SLC35F4: variants seen among roughly 807,000 people sequenced by gnomAD.
SLC35F4 encodes the protein chromosome 14 open reading frame 36.
In SLC35F4, 24 loss-of-function variants were observed where a neutral mutation model predicts 44.2. That is an observed-to-expected ratio of 0.54 (90% CI 0.39 to 0.76). The LOEUF (loss-of-function observed/expected upper bound fraction) is 0.76, where lower values mean the gene tolerates loss of function less well. SLC35F4 is among the 30% of genes least tolerant of loss of function. The pLI, the probability that SLC35F4 is intolerant of heterozygous loss-of-function variation, is 0.00. For synonymous variants in SLC35F4, 238 were observed against 223.6 expected (o/e 1.06, Z -0.57); for missense variants, 562 against 586.1 (o/e 0.96, Z 0.42).
At chr14:57,706,323 G>C (rs2075675277) in intron 1 of SLC35F4, among the ~76,000 whole-genome samples, 1 of 152,132 alleles carries the variant, frequency 6.6e-6, no homozygotes, top group South Asian at 2.1e-4. Context: ...AATTGCCAAT[G>C]GGACATCAAG....
chr14:57,575,826 C>T (rs1455885317), intron 4 of SLC35F4, among the ~76,000 whole-genome samples: 1 of 152,150 alleles, frequency 6.6e-6, no homozygotes, highest in African/African-American at 2.4e-5. Flanking sequence ...GTTCCTAAAG[C>T]CCAAAGAGGG....
chr14:57,910,579 T>C (rs1369849313), intron 1 of SLC35F4, among the ~76,000 whole-genome samples: 2 of 152,092 alleles, frequency 1.3e-5, no homozygotes, highest in Non-Finnish European at 2.9e-5. Flanking sequence ...TTGTCATAGA[T>C]TAGTTGACTA....
At chr14:57,619,852 C>T (rs915315339) in intron 1 of SLC35F4, among the ~76,000 whole-genome samples, 1 of 152,008 alleles carries the variant, frequency 6.6e-6, no homozygotes, top group Non-Finnish European at 1.5e-5. Context: ...ACACATATAA[C>T]CTGATGAAGC....
intron 1 of SLC35F4, among the ~76,000 whole-genome samples, chr14:57,692,653 A>C (rs2075269495): frequency 6.6e-6 from 1 of 152,262 alleles, no homozygotes; most frequent in South Asian, 2.1e-4. Flanking sequence ...AATTACAATT[A>C]CCTAATTGTA....
chr14:57,946,470 T>G (rs12890073), intron 1 of SLC35F4, among the ~76,000 whole-genome samples: 2 of 55,378 alleles, frequency 3.6e-5, no homozygotes, highest in African/African-American at 1.1e-4. Flanking sequence ...TTTTCTTTTC[T>G]TTTTTTTTTT....
At chr14:57,854,514 C>T (rs1156732145) in intron 1 of SLC35F4, among the ~76,000 whole-genome samples, 3 of 152,122 alleles carry the variant, frequency 2.0e-5, no homozygotes, top group Non-Finnish European at 4.4e-5. Context: ...TGGACATTCC[C>T]GAATTAACCC....
intron 1 of SLC35F4, among the ~76,000 whole-genome samples, chr14:57,804,941 C>T: frequency 6.6e-6 from 1 of 151,924 alleles, no homozygotes; most frequent in East Asian, 1.9e-4. Flanking sequence ...ACAAAGAACT[C>T]CATTAAAAAG....
At chr14:57,655,429 G>A (rs114807480) in intron 1 of SLC35F4, among the ~76,000 whole-genome samples, 1 of 152,080 alleles carries the variant, frequency 6.6e-6, no homozygotes, top group African/African-American at 2.4e-5. Context: ...CGTTGTCTAG[G>A]GTACCTAAGT....
intron 1 of SLC35F4, among the ~76,000 whole-genome samples, chr14:57,640,517 A>C (rs1957704): frequency 2.0e-4 from 31 of 152,162 alleles, no homozygotes; most frequent in South Asian, 1.0e-3. Flanking sequence ...TCCTACACTG[A>C]ACAAATTCCA....
chr14:57,776,665 CAAAAAAAAAAA>C (rs57272978), intron 1 of SLC35F4, among the ~76,000 whole-genome samples: 7 of 72,072 alleles, frequency 9.7e-5, no homozygotes, highest in African/African-American at 2.8e-4. Flanking sequence ...GACTCCATCT[CAAAAAAAAAAA>C]AAAAAAAAAA....
chr14:57,802,985 C>CAAAA (rs59647111), intron 1 of SLC35F4, among the ~76,000 whole-genome samples: 20 of 71,230 alleles, frequency 2.8e-4, no homozygotes, highest in African/African-American at 6.0e-4. Context: ...GCAGAGATAC[C>CAAAA]AAAAAAAAAA....
intron 1 of SLC35F4, among the ~76,000 whole-genome samples, chr14:57,779,698 AG>A: frequency 6.6e-6 from 1 of 152,212 alleles, no homozygotes; most frequent in Non-Finnish European, 1.5e-5. Flanking sequence ...ATACTGGCAA[AG>A]CAAATCCAGC....
rs1162301760 is a variant in SLC35F4 at position 57,865,792 on chromosome 14, T to C, written c.34A>G (p.Thr12Ala). Reference sequence around the variant, plus strand: ...ATCCGCAGGATCCGGTCCTCGATAGTGGCCACCCCGTTGGGGGCCGCCTTG... The same window carrying C: ...ATCCGCAGGATCCGGTCCTCGATAGCGGCCACCCCGTTGGGGGCCGCCTTG... ...DVKAAPNGVA[T>A]IEDRILRITG... is the part of the protein sequence containing the mutation. The change falls in exon 1 of 8, where the codon ACT becomes GCT. Residue 12 changes from threonine (T) to alanine (A), a missense_variant. Transcript: ENST00000556826. 2 of 1,520,726 alleles carry C rather than the reference T, an allele frequency of 1.3e-6. No homozygotes were observed. The highest frequency in any genetic ancestry group is 2.8e-5 in the African/African-American group (2 of 70,998). The allele number at this position is 1,520,726 out of a possible 1,614,324, so 94.2% of individuals were successfully genotyped here.
At position 57,748,210 on chromosome 14, in the gene SLC35F4, T is replaced by G. The variant is rs138879283; in HGVS notation, c.103+117513A>C. Among the ~76,000 whole-genome samples the G allele has an allele frequency of 4.4e-3, 670 of 152,262 alleles. 15 individuals are homozygous for G. Among genetic ancestry groups the G allele is most frequent in the Non-Finnish European group, 2.4e-3 (165 of 68,000 alleles). On this transcript the variant is annotated intron_variant, in intron 1 of 7. Transcript: ENST00000556826. ...TGTCTTGAGTTTTTCACTGGTAGGT[T>G]AGAAAAATCAAGAATATAGACTATT...
At chr14:57,904,755 G>A (rs548997578) in intron 1 of SLC35F4, among the ~76,000 whole-genome samples, 3 of 152,140 alleles carry the variant, frequency 2.0e-5, no homozygotes, top group African/African-American at 7.2e-5. Context: ...CAGAGTTAAA[G>A]CACTTATTCC....
At chr14:57,677,418 A>AAATT (rs3054484) in intron 1 of SLC35F4, among the ~76,000 whole-genome samples, 72,579 of 151,276 alleles carry the variant, frequency 0.48, 18,271 homozygotes, top group African/African-American at 0.65. Flanking sequence ...AAAAAAATAA[A>AAATT]AATTATTTAA....
intron 1 of SLC35F4, among the ~76,000 whole-genome samples, chr14:57,941,273 G>A (rs78309890): frequency 6.6e-6 from 1 of 152,110 alleles, no homozygotes; most frequent in African/African-American, 2.4e-5. Flanking sequence ...AATAGCCAAA[G>A]ATGGAAAAAT....
chr14:57,847,893 T>C (rs1018109215), intron 1 of SLC35F4, among the ~76,000 whole-genome samples: 2 of 152,232 alleles, frequency 1.3e-5, no homozygotes, highest in African/African-American at 2.4e-5. Flanking sequence ...AGTGCAATGA[T>C]TCTATCTGAA....
Position 57,804,612 on chromosome 14 carries a change from A to C in SLC35F4, c.103+61111T>G, listed in dbSNP as rs994644335. On this transcript the variant is annotated intron_variant, in intron 1 of 7. Coordinates refer to ENST00000556826, the MANE Select transcript of SLC35F4 (RefSeq NM_001306087.2). Reference sequence around the variant, plus strand: ...ACCCTTTCCTTACACCTTATATAAAAATTACCTCAAGATGGATTAAGGACT... The same window carrying C: ...ACCCTTTCCTTACACCTTATATAAACATTACCTCAAGATGGATTAAGGACT... Among the ~76,000 whole-genome samples, 3 of 152,204 alleles carry C rather than the reference A, an allele frequency of 2.0e-5. No individual in the cohort carries two copies. In the East Asian group the frequency reaches 5.8e-4, roughly 29 times the overall value.
Sources: allele counts gnomAD v4.1 joint callset (sites outside exome capture counted in the v4.1 genomes callset), GRCh38; gene constraint gnomAD v4.1.1; transcripts MANE v1.5; gene names NCBI Gene and HGNC (gene_info 2026-07-23, HGNC 2026-07-21).